The following ARHGAP10 variants were observed in gnomAD, a reference collection of about 807,000 sequenced individuals.
ARHGAP10 encodes Rho GTPase activating protein 10.
ARHGAP10 carries 87 observed loss-of-function variants against 108.6 expected under a neutral mutation model. The ratio of observed to expected loss-of-function variants is 0.80; its 90% CI spans 0.67 to 0.96. ARHGAP10 has a LOEUF of 0.96. ARHGAP10 is among the 40% of genes least tolerant of loss of function. ARHGAP10 has a pLI of 0.00. For missense variants in ARHGAP10, 939 were observed against 954.5 expected, an observed-to-expected ratio of 0.98 and a Z score of 0.21; for synonymous variants, 347 against 341.1, an observed-to-expected ratio of 1.02 and a Z score of -0.19.
At chr4:148,023,538 T>C in intron 19 of ARHGAP10, 125 bp downstream of exon 19, 1 of 1,139,672 alleles carries the variant, frequency 8.8e-7, no homozygotes, top group Non-Finnish European at 1.2e-6. Flanking sequence ...AAGATTATAA[T>C]TTTGAGATTT....
chr4:147,899,671 A>G (rs959182164), intron 10 of ARHGAP10, among the ~76,000 whole-genome samples: 5 of 152,156 alleles, frequency 3.3e-5, no homozygotes, highest in African/African-American at 1.2e-4. Flanking sequence ...AGAAGTTACT[A>G]TAAAGACTTG....
chr4:147,855,941 G>A (rs1734068629), intron 4 of ARHGAP10, among the ~76,000 whole-genome samples: 1 of 152,194 alleles, frequency 6.6e-6, no homozygotes, highest in Admixed American at 6.5e-5. Context: ...TGCCTAACAG[G>A]AAGGAAATCA....
At chr4:148,016,744 C>A (rs1741361956) in intron 18 of ARHGAP10, among the ~76,000 whole-genome samples, 1 of 152,050 alleles carries the variant, frequency 6.6e-6, no homozygotes, top group Non-Finnish European at 1.5e-5. Flanking sequence ...AAGACTGCCC[C>A]CTTTTCAGAT....
chr4:148,023,586 C>T (rs1741656154), intron 19 of ARHGAP10, among the ~76,000 whole-genome samples, 173 bp downstream of exon 19: 1 of 152,114 alleles, frequency 6.6e-6, no homozygotes, highest in African/African-American at 2.4e-5. Context: ...GGAGAAAACG[C>T]AAGTTTCGGT....
intron 15 of ARHGAP10, among the ~76,000 whole-genome samples, chr4:147,952,064 C>G (rs1162956794): frequency 6.6e-6 from 1 of 152,126 alleles, no homozygotes; most frequent in Non-Finnish European, 1.5e-5. Context: ...ATAGATTCTT[C>G]TATGTTGTAG....
intron 9 of ARHGAP10, among the ~76,000 whole-genome samples, chr4:147,880,696 C>T (rs1485711758): frequency 6.6e-6 from 1 of 152,054 alleles, no homozygotes; most frequent in African/African-American, 2.4e-5. Context: ...TGTATTTCTG[C>T]ATTGCAAATT....
chr4:147,881,040 G>A (rs949909610), intron 9 of ARHGAP10, among the ~76,000 whole-genome samples: 1 of 152,100 alleles, frequency 6.6e-6, no homozygotes, highest in African/African-American at 2.4e-5. Context: ...TTGGGAGGCC[G>A]AGGTGGGCAG....
chr4:147,899,320 T>G (rs1189112877), intron 10 of ARHGAP10, among the ~76,000 whole-genome samples: 1 of 151,958 alleles, frequency 6.6e-6, no homozygotes, highest in Non-Finnish European at 1.5e-5. Flanking sequence ...TGTGTGTGTG[T>G]GTGCATGCGT....
At chr4:148,004,730 T>C (rs1225297292) in intron 18 of ARHGAP10, among the ~76,000 whole-genome samples, 4 of 152,204 alleles carry the variant, frequency 2.6e-5, no homozygotes, top group African/African-American at 9.7e-5. Flanking sequence ...TGGAAGCAGA[T>C]TGATCCCCAG....
rs142607089 is a variant in ARHGAP10, at chr4:147,768,680, A to G, written c.154+36225A>G. Among the ~76,000 whole-genome samples the G allele has an allele frequency of 7.2e-5, 11 of 152,082 alleles. No homozygotes were observed. The East Asian group carries it at 1.9e-3, about 27-fold the overall frequency. On this transcript the variant is annotated intron_variant, in intron 1 of 22. Coordinates refer to ENST00000336498, the MANE Select transcript of ARHGAP10 (RefSeq NM_024605.4). Reference sequence around the variant, plus strand: ...TAGAAGCTGAATAAATTTGGTGACAACTTTGTTTTTGAGTTTGTTTAAACA... The same window carrying G: ...TAGAAGCTGAATAAATTTGGTGACAGCTTTGTTTTTGAGTTTGTTTAAACA...
At chr4:147,859,375 C>A (rs771169376) in intron 5 of ARHGAP10, among the ~76,000 whole-genome samples, 2 of 150,750 alleles carry the variant, frequency 1.3e-5, no homozygotes, top group Non-Finnish European at 2.9e-5. Flanking sequence ...CGGATTCAAG[C>A]GATTTTCCTG....
chr4:147,753,208 A>T (rs1729232243), intron 1 of ARHGAP10, among the ~76,000 whole-genome samples: 1 of 152,318 alleles, frequency 6.6e-6, no homozygotes. Context: ...TTGGAGCTGG[A>T]AGGAATGTCC....
chr4:147,822,323 A>G (rs914765149), intron 1 of ARHGAP10, among the ~76,000 whole-genome samples: 2 of 152,214 alleles, frequency 1.3e-5, no homozygotes, highest in Non-Finnish European at 1.5e-5. Context: ...GTCTGAAACC[A>G]TGGCAGGCAG....
chr4:147,847,370 A>G (rs1420780274), intron 4 of ARHGAP10, 148 bp downstream of exon 4: 1 of 756,172 alleles, frequency 1.3e-6, no homozygotes, highest in African/African-American at 1.8e-5. Flanking sequence ...CCTTTGGGGG[A>G]TATGGAATTG....
Position 147,815,331 on chromosome 4 carries a change from G to A in ARHGAP10, c.155-7396G>A, listed in dbSNP as rs146965095. ...TAAAGTGATTAGTAGAGTACCTGAT[G>A]TTATAAGGTGTGGTAGCCAGAATGG... On this transcript the variant is annotated intron_variant, in intron 1 of 22. Coordinates refer to ENST00000336498, the MANE Select transcript of ARHGAP10 (RefSeq NM_024605.4). 3.9e-4 allele frequency among the ~76,000 whole-genome samples: 59 copies of A among 152,302 alleles called. No individual in the cohort carries two copies. In the South Asian group the frequency reaches 7.9e-3, roughly 20 times the overall value.
chr4:147,894,534 A>T (rs1211044100), intron 10 of ARHGAP10, among the ~76,000 whole-genome samples: 2 of 152,228 alleles, frequency 1.3e-5, no homozygotes, highest in Non-Finnish European at 2.9e-5. Context: ...TTTGATGAGA[A>T]GAACATTTTA....
intron 16 of ARHGAP10, among the ~76,000 whole-genome samples, chr4:147,960,515 T>G (rs951686176): frequency 5.3e-5 from 8 of 152,228 alleles, no homozygotes; most frequent in African/African-American, 1.9e-4. Context: ...ATAGGTTGTT[T>G]AGGCATTTCA....
chr4:148,027,385 T>C (rs1727917836), intron 19 of ARHGAP10, among the ~76,000 whole-genome samples: 2 of 152,240 alleles, frequency 1.3e-5, no homozygotes, highest in South Asian at 4.1e-4. Context: ...TACTTGGGTA[T>C]CGTCGGGTTG....
intron 1 of ARHGAP10, among the ~76,000 whole-genome samples, chr4:147,797,010 A>G (rs1249423960): frequency 3.3e-5 from 5 of 152,020 alleles, no homozygotes; most frequent in Non-Finnish European, 2.9e-5. Flanking sequence ...CTCTGCTTAC[A>G]TTGCTGTCTC....
Sources: allele counts gnomAD v4.1 joint callset (sites outside exome capture counted in the v4.1 genomes callset), GRCh38; gene constraint gnomAD v4.1.1; transcripts MANE v1.5; gene names NCBI Gene and HGNC (gene_info 2026-07-23, HGNC 2026-07-21).